The following WHRN variants were observed in gnomAD, a reference collection of about 807,000 sequenced individuals.
The protein encoded by WHRN is whirlin, also known as CASK-interacting protein CIP98.
In WHRN, 41 loss-of-function variants were observed where a neutral mutation model predicts 68.3. The ratio of observed to expected loss-of-function variants is 0.60; its 90% CI spans 0.47 to 0.78. WHRN has a LOEUF of 0.78. Among genes scored for constraint, WHRN ranks in the 30% least tolerant of loss-of-function variants. WHRN has a pLI of 0.00. For synonymous variants in WHRN, 560 were observed against 561.3 expected (o/e 1.00, Z 0.03); for missense variants, 1,243 against 1,244.7 (o/e 1.00, Z 0.02).
intron 2 of WHRN, among the ~76,000 whole-genome samples, chr9:114,470,337 A>G (rs1048242736): frequency 6.6e-6 from 1 of 152,104 alleles, no homozygotes; most frequent in South Asian, 2.1e-4. Flanking sequence ...AGCATGTGCT[A>G]AGCCCACACA....
At chr9:114,501,598 C>T (rs4979417) in intron 1 of WHRN, among the ~76,000 whole-genome samples, 59,745 of 144,186 alleles carry the variant, frequency 0.41, 14,265 homozygotes, top group East Asian at 0.61. Flanking sequence ...TGAATCTCTC[C>T]GTTTGGGAAG....
chr9:114,403,913 C>G lies in WHRN; in HGVS notation c.2401G>C (p.Asp801His), dbSNP rs2132190027. The change falls in exon 10 of 12, where the codon GAT becomes CAT. Residue 801 changes from aspartate (D) to histidine (H), a missense_variant. By Grantham distance (81) the Asp-to-His change is moderately conservative. Transcript: ENST00000362057. The stretch of plus-strand genomic sequence containing the variant: ...TGGCTCACCGGTTTGTTGGCCCCAT[C>G]TGTGGGCCTCTCGTTCCGAGGCAGC... Reference protein sequence around the residue: ...KELPRNERPTDGANKPPGLLE... With the variant: ...KELPRNERPTHGANKPPGLLE... 1 of 1,611,078 alleles carries G rather than the reference C, an allele frequency of 6.2e-7. No homozygotes were observed.
intron 9 of WHRN, among the ~76,000 whole-genome samples, chr9:114,405,240 T>G (rs1401378318): frequency 1.3e-5 from 2 of 151,762 alleles, no homozygotes; most frequent in Non-Finnish European, 2.9e-5. Context: ...CCTGGCTAAT[T>G]ATCGTATCTT....
intron 1 of WHRN, among the ~76,000 whole-genome samples, chr9:114,481,425 A>C (rs1842085383): frequency 6.6e-6 from 1 of 152,210 alleles, no homozygotes; most frequent in Non-Finnish European, 1.5e-5. Context: ...AACAGTCAGG[A>C]AAATCAAATC....
In WHRN at chr9:114,505,335, G is replaced by C. The variant is rs1844302753; in HGVS notation, c.-534C>G. 1 of 152,598 alleles carries C rather than the reference G, an allele frequency of 6.6e-6. No homozygotes were observed. The highest frequency in any genetic ancestry group is 2.4e-5 in the African/African-American group (1 of 41,464). The allele number at this position is 152,598 out of a possible 1,614,324, so 9.5% of individuals were successfully genotyped here. A position where few individuals can be genotyped will look rare whatever the true frequency, so the allele number is the denominator to read the frequency against. On this transcript the variant is annotated 5_prime_UTR_variant, in exon 1 of 12. Transcript: ENST00000362057. ...TCCGGGGAGTGGCAGCCGGTGAAGCGGCGCGGGCGTCCGACAAGGGGTGCG... is the reference window on the plus strand; with the variant it reads ...TCCGGGGAGTGGCAGCCGGTGAAGCCGCGCGGGCGTCCGACAAGGGGTGCG...
rs982304562 is a variant in WHRN at position 114,402,784 on chromosome 9, A to G, written c.2694T>C (p.Phe898=). ...GCATCACATTGAACTCAGTGACCAG[A>G]AAGTCAATGTAGTCACGGTCCTTAG... The part of the protein sequence containing the change: ...FKTKDRDYID[F]LVTEFNVML The change falls in exon 12 of 12, where the codon TTT becomes TTC. Residue 898 remains phenylalanine (F), a synonymous_variant. Coordinates refer to ENST00000362057, the MANE Select transcript of WHRN (RefSeq NM_015404.4). The G allele has an allele frequency of 4.3e-6, 7 of 1,614,066 alleles. No homozygotes were observed. The highest frequency in any genetic ancestry group is 5.9e-6 in the Non-Finnish European group (7 of 1,180,042).
chr9:114,426,069 A>T (rs1294023947), intron 4 of WHRN, 142 bp downstream of exon 4: 2 of 1,044,964 alleles, frequency 1.9e-6, no homozygotes, highest in African/African-American at 1.6e-5. Flanking sequence ...TGCCCAGGTC[A>T]TGTCCTGCCA....
chr9:114,430,373 A>G (rs1439320886), intron 3 of WHRN, among the ~76,000 whole-genome samples: 1 of 152,226 alleles, frequency 6.6e-6, no homozygotes, highest in East Asian at 1.9e-4. Context: ...ATACTAAAAA[A>G]CATATTCATT....
At chr9:114,491,104 G>A (rs1191884370) in intron 1 of WHRN, among the ~76,000 whole-genome samples, 2 of 152,112 alleles carry the variant, frequency 1.3e-5, no homozygotes, top group East Asian at 1.9e-4. Flanking sequence ...GTCTGGGATC[G>A]ATGTCCGAAG....
chr9:114,496,665 C>T (rs1843488405), intron 1 of WHRN, among the ~76,000 whole-genome samples: 1 of 152,210 alleles, frequency 6.6e-6, no homozygotes, highest in African/African-American at 2.4e-5. Context: ...TTCCAGATTT[C>T]TGATGTTCAA....
chr9:114,469,820 C>A (rs541565602), intron 2 of WHRN, among the ~76,000 whole-genome samples: 145 of 152,322 alleles, frequency 9.5e-4, no homozygotes, highest in South Asian at 3.5e-3. Context: ...GCCAAAAGGA[C>A]CACACTTCTC....
rs2133470915 is a variant in WHRN, at chr9:114,504,164, T to G, written c.618+20A>C. 1 of 1,613,738 alleles carries G rather than the reference T, an allele frequency of 6.2e-7. No individual in the cohort carries two copies. Among genetic ancestry groups the G allele is most frequent in the African/African-American group, 1.3e-5 (1 of 74,910 alleles). On this transcript the variant is annotated intron_variant, in intron 1 of 11. Coordinates refer to ENST00000362057, the MANE Select transcript of WHRN (RefSeq NM_015404.4). ...TCTGTCCATACTCTGCCCCAGACTCTCTCCAAACCACAGCCTTACCTTGAC... is the reference window on the plus strand; with the variant it reads ...TCTGTCCATACTCTGCCCCAGACTCGCTCCAAACCACAGCCTTACCTTGAC...
In WHRN at chr9:114,504,356, T is replaced by C; in HGVS notation, c.446A>G (p.His149Arg). Residue 149 changes from histidine to arginine, a missense_variant, in exon 1 of 12, where the codon CAC (histidine) becomes CGC (arginine). By Grantham distance (29) the His-to-Arg change is conservative. Coordinates refer to ENST00000362057, the MANE Select transcript of WHRN (RefSeq NM_015404.4). ...ACGGATGCTGAAGCCCAAGCCCTCG[T>C]GGGCCTTGGCACGCCGCAAACTCAC... ...RLVSLRRAKA[H>R]EGLGFSIRGG... 6.2e-7 allele frequency: 1 copy of C among 1,608,182 alleles called. No individual in the cohort carries two copies.
intron 7 of WHRN, among the ~76,000 whole-genome samples, chr9:114,408,763 T>C (rs1254036158): frequency 6.6e-6 from 1 of 152,224 alleles, no homozygotes; most frequent in Non-Finnish European, 1.5e-5. Context: ...CTGAGATAGC[T>C]GGTAAAACAT....
chr9:114,490,064 A>C (rs1033646580), intron 1 of WHRN, among the ~76,000 whole-genome samples: 2 of 152,238 alleles, frequency 1.3e-5, no homozygotes, highest in Non-Finnish European at 2.9e-5. Flanking sequence ...TGTGCTCATC[A>C]GGGAGCCAGG....
intron 3 of WHRN, among the ~76,000 whole-genome samples, chr9:114,430,225 T>C (rs1320315109): frequency 6.6e-6 from 1 of 152,166 alleles, no homozygotes; most frequent in Non-Finnish European, 1.5e-5. Flanking sequence ...CTCAATTCTA[T>C]GAGCATCGAC....
chr9:114,436,375 T>C (rs915358153), intron 3 of WHRN, among the ~76,000 whole-genome samples: 1 of 152,206 alleles, frequency 6.6e-6, no homozygotes, highest in Non-Finnish European at 1.5e-5. Flanking sequence ...ATATTATCCA[T>C]ATTTGCTCAT....
chr9:114,502,543 G>A (rs953838176), intron 1 of WHRN, among the ~76,000 whole-genome samples: 1 of 152,062 alleles, frequency 6.6e-6, no homozygotes, highest in Non-Finnish European at 1.5e-5. Flanking sequence ...GGGGAAGGCG[G>A]GGGTGGCAGG....
chr9:114,468,243 GC>G (rs1840893336), intron 2 of WHRN, among the ~76,000 whole-genome samples: 1 of 152,150 alleles, frequency 6.6e-6, no homozygotes, highest in Non-Finnish European at 1.5e-5. Flanking sequence ...CCACTCTCTG[GC>G]CCCTAGCAGA....
Sources: allele counts gnomAD v4.1 joint callset (sites outside exome capture counted in the v4.1 genomes callset), GRCh38; gene constraint gnomAD v4.1.1; transcripts MANE v1.5; gene names NCBI Gene and HGNC (gene_info 2026-07-23, HGNC 2026-07-21).